The following CSMD1 variants were observed in gnomAD, a reference collection of about 807,000 sequenced individuals.
CSMD1 encodes CUB and sushi domain-containing protein 1.
Under a neutral mutation model 417.5 loss-of-function variants are expected in CSMD1, and 213 were observed. The observed-to-expected ratio is 0.51, with a 90% confidence interval of 0.46 to 0.57. CSMD1 has a LOEUF of 0.57. Among genes scored for constraint, CSMD1 ranks in the 20% least tolerant of loss-of-function variants. The probability of loss-of-function intolerance (pLI) is 0.00; values close to 1 mark genes in which losing one functional copy is unlikely to be tolerated. For synonymous variants in CSMD1, 2,862 were observed against 1,736.8 expected (o/e 1.65, Z -16.11); for missense variants, 6,923 against 4,529.7 (o/e 1.53, Z -15.17).
intron 5 of CSMD1, among the ~76,000 whole-genome samples, chr8:3,808,420 C>A (rs1186729191): frequency 1.3e-5 from 2 of 152,112 alleles, no homozygotes; most frequent in Non-Finnish European, 2.9e-5. Flanking sequence ...TACTACTCAA[C>A]CAAAACTCAT....
intron 49 of CSMD1, among the ~76,000 whole-genome samples, chr8:3,082,342 G>A (rs1186891401): frequency 6.6e-6 from 1 of 152,164 alleles, no homozygotes; most frequent in African/African-American, 2.4e-5. Context: ...ACGTAAACTT[G>A]CAGCTGAGAT....
chr8:3,039,256 G>T (rs1810904302), intron 50 of CSMD1, among the ~76,000 whole-genome samples: 1 of 134,666 alleles, frequency 7.4e-6, no homozygotes, highest in Admixed American at 7.1e-5. Flanking sequence ...TCCCGTGCCT[G>T]AAACCATTTC....
chr8:4,265,087 A>G (rs1238922929), intron 3 of CSMD1, among the ~76,000 whole-genome samples: 1 of 152,198 alleles, frequency 6.6e-6, no homozygotes, highest in Non-Finnish European at 1.5e-5. Context: ...TAGAATCATC[A>G]TATTCAGAGC....
At chr8:3,946,179 G>T (rs952909941) in intron 5 of CSMD1, among the ~76,000 whole-genome samples, 1 of 152,046 alleles carries the variant, frequency 6.6e-6, no homozygotes, top group Non-Finnish European at 1.5e-5. Context: ...TTATTACAAA[G>T]AATAAATCTC....
At chr8:4,673,986 G>A (rs894132831) in intron 1 of CSMD1, among the ~76,000 whole-genome samples, 5 of 152,096 alleles carry the variant, frequency 3.3e-5, no homozygotes, top group African/African-American at 7.2e-5. Flanking sequence ...AAAAACCATC[G>A]AATTGTGCAC....
At chr8:4,765,929 T>C (rs1812434140) in intron 1 of CSMD1, among the ~76,000 whole-genome samples, 1 of 152,184 alleles carries the variant, frequency 6.6e-6, no homozygotes, top group Admixed American at 6.5e-5. Context: ...GTTTGAAGAA[T>C]CGAGCTTAGC....
intron 3 of CSMD1, among the ~76,000 whole-genome samples, chr8:4,106,098 G>T (rs75951764): frequency 6.6e-6 from 1 of 152,298 alleles, no homozygotes; most frequent in South Asian, 2.1e-4. Context: ...TCTGAGGCAG[G>T]ACAACCCTTG....
At chr8:4,237,348 G>A (rs566448804) in intron 3 of CSMD1, among the ~76,000 whole-genome samples, 2 of 152,050 alleles carry the variant, frequency 1.3e-5, no homozygotes, top group Non-Finnish European at 1.5e-5. Context: ...TCCTTCAACA[G>A]AAAACATTAT....
chr8:4,727,138 G>A (rs768663179), intron 1 of CSMD1, among the ~76,000 whole-genome samples: 57 of 152,154 alleles, frequency 3.7e-4, no homozygotes, highest in African/African-American at 7.5e-4. Context: ...TAACTTCTGC[G>A]GGGACACTTC....
chr8:4,046,915 G>A (rs369820926), intron 3 of CSMD1, among the ~76,000 whole-genome samples: 4 of 152,180 alleles, frequency 2.6e-5, no homozygotes, highest in Admixed American at 6.5e-5. Flanking sequence ...GCAGAGAGAG[G>A]CTTATGGCCA....
intron 5 of CSMD1, among the ~76,000 whole-genome samples, chr8:3,812,191 A>C (rs1466675359): frequency 6.6e-6 from 1 of 152,184 alleles, no homozygotes; most frequent in African/African-American, 2.4e-5. Flanking sequence ...AATAAAAGAG[A>C]CCACATACAA....
chr8:4,459,102 G>A (rs1190319531), intron 2 of CSMD1, among the ~76,000 whole-genome samples: 12 of 152,172 alleles, frequency 7.9e-5, no homozygotes, highest in Non-Finnish European at 1.3e-4. Flanking sequence ...GCCAGGGTAC[G>A]CTTCTAACCA....
rs1804144560 is a variant in CSMD1, at chr8:4,146,593, CAT to C, written c.416-114496_416-114495del. Among the ~76,000 whole-genome samples the C allele has an allele frequency of 2.4e-4, 22 of 90,762 alleles. 3 individuals carry two copies. The highest frequency in any genetic ancestry group is 9.5e-4 in the East Asian group (3 of 3,170). The allele number at this position is 90,762 out of a possible 152,430, so 59.5% of individuals were successfully genotyped here. A position where few individuals can be genotyped will look rare whatever the true frequency, so the allele number is the denominator to read the frequency against. ...ATCTGTCTAAATGTTTATATGGACA[CAT>C]TTTTTTTTTTTTTTTTTTTTTTTTT... On this transcript the variant is annotated intron_variant, in intron 3 of 69. Coordinates refer to ENST00000635120, the MANE Select transcript of CSMD1 (RefSeq NM_033225.6).
chr8:3,087,301 C>A lies in CSMD1; in HGVS notation c.7286-16G>T. ...CAGTAAGGTGCTGTGGGCAGACAGA[C>A]ACACACAGAAATAAGTCAACAAGCA... On this transcript the variant is annotated splice_polypyrimidine_tract_variant and intron_variant, in intron 48 of 69. Transcript: ENST00000635120. The A allele has an allele frequency of 6.2e-7, 1 of 1,610,728 alleles. No homozygotes were observed. Among genetic ancestry groups the A allele is most frequent in the South Asian group, 1.1e-5 (1 of 90,996 alleles).
At chr8:4,944,056 A>T (rs972223005) in intron 1 of CSMD1, among the ~76,000 whole-genome samples, 1 of 152,204 alleles carries the variant, frequency 6.6e-6, no homozygotes, top group African/African-American at 2.4e-5. Flanking sequence ...GAAAGAAGTG[A>T]GGAAGATGTT....
chr8:4,962,348 C>G (rs1809555943), intron 1 of CSMD1, among the ~76,000 whole-genome samples: 1 of 152,004 alleles, frequency 6.6e-6, no homozygotes, highest in Non-Finnish European at 1.5e-5. Flanking sequence ...TTAGCTAGGA[C>G]TACAGGTGCA....
intron 3 of CSMD1, among the ~76,000 whole-genome samples, chr8:4,254,973 T>G (rs1053693977): frequency 3.9e-5 from 6 of 152,220 alleles, no homozygotes; most frequent in African/African-American, 1.4e-4. Flanking sequence ...CCATCGACTT[T>G]AACAGAGCAC....
chr8:3,819,945 T>G (rs920793428), intron 5 of CSMD1, among the ~76,000 whole-genome samples: 3 of 152,142 alleles, frequency 2.0e-5, no homozygotes, highest in Non-Finnish European at 4.4e-5. Context: ...GCCTCTCCCT[T>G]GAATAATTCA....
intron 1 of CSMD1, among the ~76,000 whole-genome samples, chr8:4,878,306 T>G (rs1803176976): frequency 6.6e-6 from 1 of 152,050 alleles, no homozygotes; most frequent in Non-Finnish European, 1.5e-5. Flanking sequence ...GCGAGGCAAT[T>G]AGAACTCATC....
Sources: allele counts gnomAD v4.1 joint callset (sites outside exome capture counted in the v4.1 genomes callset), GRCh38; gene constraint gnomAD v4.1.1; transcripts MANE v1.5; gene names NCBI Gene and HGNC (gene_info 2026-07-23, HGNC 2026-07-21).